Variants in HFM1 observed in about 807,000 individuals in gnomAD.
HFM1 encodes the protein probable ATP-dependent DNA helicase HFM1.
HFM1 carries 169 observed loss-of-function variants against 192.1 expected under a neutral mutation model. The ratio of observed to expected loss-of-function variants is 0.88; its 90% CI spans 0.78 to 1.00. The LOEUF (loss-of-function observed/expected upper bound fraction) is 1.00. Ranked by LOEUF, HFM1 falls within the 50% of genes least tolerant of loss-of-function variation. The pLI, the probability that HFM1 is intolerant of heterozygous loss-of-function variation, is 0.00. For synonymous variants in HFM1, 525 were observed against 537.8 expected (o/e 0.98, Z 0.33); for missense variants, 1,661 against 1,668.0 (o/e 1.00, Z 0.07).
chr1:91,292,003 A>C (rs866816249), intron 30 of HFM1, among the ~76,000 whole-genome samples: 13 of 152,172 alleles, frequency 8.5e-5, no homozygotes, highest in South Asian at 6.2e-4. Flanking sequence ...ATTCAACAAC[A>C]CTTCATGCTA....
chr1:91,329,416 C>T, intron 20 of HFM1: 8 of 1,574,050 alleles, frequency 5.1e-6, no homozygotes, highest in Non-Finnish European at 5.2e-6. Flanking sequence ...TTCAAGGTGA[C>T]TGGCTCACTC....
At position 91,313,575 on chromosome 1, in the gene HFM1, C is replaced by G; in HGVS notation, c.3245-80G>C. 3 of 972,700 alleles carry G rather than the reference C, an allele frequency of 3.1e-6. No homozygotes were observed. In the South Asian group the frequency reaches 8.7e-5, roughly 28 times the overall value. 60.3% of individuals were successfully genotyped at this position (972,700 alleles called of 1,614,324 possible). Reference sequence around the variant, plus strand: ...TGAGAACACTTATTTCTTTTTATCTCTCTTACATTTTTATAACTTCTAGAG... The same window carrying G: ...TGAGAACACTTATTTCTTTTTATCTGTCTTACATTTTTATAACTTCTAGAG... On this transcript the variant is annotated intron_variant, in intron 29 of 38. Coordinates refer to ENST00000370425, the MANE Select transcript of HFM1 (RefSeq NM_001017975.6).
At chr1:91,292,184 G>A (rs1455004870) in intron 30 of HFM1, among the ~76,000 whole-genome samples, 1 of 151,198 alleles carries the variant, frequency 6.6e-6, no homozygotes. Flanking sequence ...TCAACATAGT[G>A]TTGGAAGTTC....
chr1:91,329,651 T>A (rs1301107965), intron 20 of HFM1: 2 of 641,168 alleles, frequency 3.1e-6, no homozygotes, highest in Admixed American at 3.1e-5. Flanking sequence ...CCCTTTTCAG[T>A]AGTGCTAGTC....
chr1:91,379,035 GA>G lies in HFM1; in HGVS notation c.1158+27del, dbSNP rs1318579901. 3 of 1,381,996 alleles carry G rather than the reference GA, an allele frequency of 2.2e-6. No homozygotes were observed. The African/African-American group carries it at 4.6e-5, about 21-fold the overall frequency. The allele number at this position is 1,381,996 out of a possible 1,614,324, so 85.6% of individuals were successfully genotyped here. A position where few individuals can be genotyped will look rare whatever the true frequency, so the allele number is the denominator to read the frequency against. On this transcript the variant is annotated intron_variant, in intron 9 of 38. Transcript: ENST00000370425. The stretch of plus-strand genomic sequence containing the variant: ...AATAGGTATTTTCTAACAAACTAAA[GA>G]AATCATAAAGTATAAATAATACCTA...
intron 30 of HFM1, among the ~76,000 whole-genome samples, chr1:91,285,932 T>C (rs1667923181): frequency 6.6e-6 from 1 of 152,148 alleles, no homozygotes; most frequent in East Asian, 1.9e-4. Flanking sequence ...GGTGTCTCAA[T>C]GATCAAATCG....
rs1657442177 is a variant in HFM1 at position 91,354,501 on chromosome 1, A to G, written c.1686-1202T>C. On this transcript the variant is annotated intron_variant, in intron 13 of 38. Transcript: ENST00000370425. Reference sequence around the variant, plus strand: ...CAGTTCCATGAATCTCAAAATCACCAAACACGTTCAAACCCAAAAAGGTCC... The same window carrying G: ...CAGTTCCATGAATCTCAAAATCACCGAACACGTTCAAACCCAAAAAGGTCC... Among the ~76,000 whole-genome samples, 5 of 152,128 alleles carry G rather than the reference A, an allele frequency of 3.3e-5. No homozygotes were observed. In the South Asian group the frequency reaches 1.0e-3, roughly 31 times the overall value.
intron 36 of HFM1, among the ~76,000 whole-genome samples, chr1:91,264,854 G>T (rs563087877): frequency 6.6e-6 from 1 of 152,206 alleles, no homozygotes; most frequent in East Asian, 1.9e-4. Flanking sequence ...TCAAATTGAA[G>T]ATTTATAAAA....
intron 6 of HFM1, among the ~76,000 whole-genome samples, chr1:91,381,524 G>A (rs916931848): frequency 6.6e-6 from 1 of 152,104 alleles, no homozygotes; most frequent in Non-Finnish European, 1.5e-5. Flanking sequence ...TTGACAGGAA[G>A]AACTTAAATC....
chr1:91,396,384 T>C lies in HFM1; in HGVS notation c.93A>G (p.Ser31=), dbSNP rs1291834465. ...GAGCAGGAGGGAGAAACCAATCCAA[T>C]GACTTTTCATTGTCTGGATGGCTAT... The part of the protein sequence containing the change: ...EVENHPDNEK[S]LDWFLPPAPL... Residue 31 remains serine (S), a synonymous_variant, in exon 3 of 39, where the codon TCA becomes TCG. Transcript: ENST00000370425. 1.3e-6 allele frequency: 2 copies of C among 1,592,404 alleles called. No homozygotes were observed. Among genetic ancestry groups the C allele is most frequent in the Non-Finnish European group, 1.7e-6 (2 of 1,164,742 alleles).
At chr1:91,406,012 C>T (rs1367439417), upstream of HFM1, among the ~76,000 whole-genome samples, 3 of 152,094 alleles carry the variant, frequency 2.0e-5, no homozygotes, top group Admixed American at 6.6e-5. Flanking sequence ...TTCTAACCCC[C>T]GATGTGATGA....
chr1:91,371,678 A>G (rs1571150273), intron 13 of HFM1, among the ~76,000 whole-genome samples: 1 of 143,608 alleles, frequency 7.0e-6, no homozygotes, highest in Non-Finnish European at 1.5e-5. Flanking sequence ...GGACATAGGC[A>G]TGGGCAAGGA....
At chr1:91,342,976 C>T (rs936204238) in intron 20 of HFM1, among the ~76,000 whole-genome samples, 5 of 151,998 alleles carry the variant, frequency 3.3e-5, no homozygotes, top group Admixed American at 6.6e-5. Flanking sequence ...GCCTGTAATC[C>T]CAGCACTTTG....
At chr1:91,381,048 C>T (rs531383818) in intron 6 of HFM1, 66 bp from the exon 7 acceptor site, 2 of 743,916 alleles carry the variant, frequency 2.7e-6, no homozygotes, top group East Asian at 5.2e-5. Context: ...TATTTTAAAA[C>T]TAAGTTACAT....
chr1:91,289,633 G>A (rs1490412008), intron 30 of HFM1, among the ~76,000 whole-genome samples: 2 of 152,190 alleles, frequency 1.3e-5, no homozygotes, highest in African/African-American at 4.8e-5. Flanking sequence ...GCTGAGGCTG[G>A]CAGAACACTC....
At chr1:91,387,898 C>A in intron 4 of HFM1, among the ~76,000 whole-genome samples, 1 of 136,358 alleles carries the variant, frequency 7.3e-6, no homozygotes. Context: ...CACATGTACC[C>A]TAAAACTTAG....
intron 15 of HFM1, 111 bp from the exon 16 acceptor site, chr1:91,352,762 AT>A: frequency 1.2e-6 from 1 of 804,336 alleles, no homozygotes; most frequent in Non-Finnish European, 1.9e-6. Context: ...TACATAAGAA[AT>A]TTAGAAAAGA....
chr1:91,300,793 T>G (rs1451209856), intron 30 of HFM1, among the ~76,000 whole-genome samples: 1 of 152,134 alleles, frequency 6.6e-6, no homozygotes, highest in Non-Finnish European at 1.5e-5. Flanking sequence ...CTCAAAGTAA[T>G]AAGAGCTATC....
In HFM1 at chr1:91,302,627, T is replaced by A. The variant is rs535220333; in HGVS notation, c.3391+10722A>T. On this transcript the variant is annotated intron_variant, in intron 30 of 38. Coordinates refer to ENST00000370425, the MANE Select transcript of HFM1 (RefSeq NM_001017975.6). Reference sequence around the variant, plus strand: ...TATAAAAAATGATGAGTTCATGTCCTTTGTAGGGACATGGATGACGCTGGA... The same window carrying A: ...TATAAAAAATGATGAGTTCATGTCCATTGTAGGGACATGGATGACGCTGGA... Among the ~76,000 whole-genome samples, 6 of 152,252 alleles carry A rather than the reference T, an allele frequency of 3.9e-5. 1 individual carries two copies. The South Asian group carries it at 8.3e-4, about 21-fold the overall frequency.
Sources: gnomAD v4.1 joint callset for allele counts (sites outside exome capture counted in the v4.1 genomes callset) on GRCh38, gnomAD v4.1.1 for gene constraint, MANE v1.5 for transcripts, NCBI Gene and HGNC (gene_info 2026-07-23, HGNC 2026-07-21) for gene names.